The following PSPC1 variants were observed in gnomAD, a reference collection of about 807,000 sequenced individuals.
The protein encoded by PSPC1 is paraspeckle protein 1.
A neutral mutation model predicts 51.6 loss-of-function variants in PSPC1; 14 were observed. The observed-to-expected ratio is 0.27, with a 90% confidence interval of 0.18 to 0.42. PSPC1 has a LOEUF of 0.42. Ranked by LOEUF, PSPC1 falls within the 10% of genes least tolerant of loss-of-function variation. PSPC1 has a pLI of 1.00. For missense variants in PSPC1, 406 were observed against 701.1 expected, an observed-to-expected ratio of 0.58 and a Z score of 4.75; for synonymous variants, 193 against 231.9, an observed-to-expected ratio of 0.83 and a Z score of 1.53.
chr13:19,682,146 G>A (rs1389470057), intron 6 of PSPC1, among the ~76,000 whole-genome samples: 3 of 152,044 alleles, frequency 2.0e-5, no homozygotes, highest in African/African-American at 7.2e-5. Context: ...AACCTCAATA[G>A]ATGAACAAAT....
chr13:19,769,861 C>T (rs1346780130), intron 2 of PSPC1, among the ~76,000 whole-genome samples: 2 of 152,134 alleles, frequency 1.3e-5, no homozygotes, highest in African/African-American at 4.8e-5. Flanking sequence ...AATGATACAA[C>T]CACCACGGAA....
chr13:19,714,106 C>G (rs1881791409), intron 6 of PSPC1, among the ~76,000 whole-genome samples: 1 of 152,216 alleles, frequency 6.6e-6, no homozygotes, highest in South Asian at 2.1e-4. Flanking sequence ...TATTAAATCT[C>G]TATCCATGGG....
intron 6 of PSPC1, among the ~76,000 whole-genome samples, chr13:19,720,389 A>G (rs1442031491): frequency 6.6e-6 from 1 of 152,242 alleles, no homozygotes; most frequent in Non-Finnish European, 1.5e-5. Flanking sequence ...AGAAAAAAGC[A>G]GAAAAGAGGA....
intron 6 of PSPC1, among the ~76,000 whole-genome samples, chr13:19,716,539 T>G (rs1416826868): frequency 6.6e-6 from 1 of 152,192 alleles, no homozygotes; most frequent in Non-Finnish European, 1.5e-5. Context: ...GATAAAGACC[T>G]CTCATGTTTA....
At chr13:19,765,344 A>AATAATTATT (rs1555248074) in intron 2 of PSPC1, among the ~76,000 whole-genome samples, 357 of 141,342 alleles carry the variant, frequency 2.5e-3, no homozygotes, top group Non-Finnish European at 4.3e-3. Flanking sequence ...TAATAATAAT[A>AATAATTATT]ATTATTATTA....
At chr13:19,694,831 A>G (rs777449802) in intron 6 of PSPC1, among the ~76,000 whole-genome samples, 15 of 152,038 alleles carry the variant, frequency 9.9e-5, no homozygotes, top group Non-Finnish European at 1.0e-4. Context: ...AATAAAAATC[A>G]TTTTCTTTCC....
chr13:19,701,136 G>A (rs1360636016), downstream of PSPC1, among the ~76,000 whole-genome samples: 3 of 152,104 alleles, frequency 2.0e-5, no homozygotes, highest in Non-Finnish European at 2.9e-5. Context: ...GGATGTTCAG[G>A]AGATTAAGAC....
chr13:19,705,869 T>C lies in PSPC1; in HGVS notation c.1217-38A>G, dbSNP rs372286773. ...ATCTATACTTAGAGCTGTCCTATCT[T>C]AGTTTAGTAAACATTAACAATTTAA... On this transcript the variant is annotated intron_variant, in intron 7 of 8. Transcript: ENST00000338910. 1.1e-3 allele frequency: 1,706 copies of C among 1,499,292 alleles called. No homozygotes were observed. In the South Asian group the frequency reaches 0.021, roughly 19 times the overall value. The allele number at this position is 1,499,292 out of a possible 1,614,324, so 92.9% of individuals were successfully genotyped here. A position where few individuals can be genotyped will look rare whatever the true frequency, so the allele number is the denominator to read the frequency against.
intron 6 of PSPC1, among the ~76,000 whole-genome samples, chr13:19,721,615 A>G (rs923327738): frequency 6.6e-6 from 1 of 152,198 alleles, no homozygotes; most frequent in African/African-American, 2.4e-5. Context: ...AGAACGTTTG[A>G]GCTGTTTCTT....
At chr13:19,683,431 C>T (rs1877509860) in intron 6 of PSPC1, among the ~76,000 whole-genome samples, 1 of 152,186 alleles carries the variant, frequency 6.6e-6, no homozygotes, top group Admixed American at 6.5e-5. Flanking sequence ...ACATATTGTA[C>T]CATTCCATTT....
chr13:19,676,459 T>C lies in PSPC1; in HGVS notation c.*76+1265A>G, dbSNP rs537042443. On this transcript the variant is annotated intron_variant and NMD_transcript_variant, in intron 7 of 7. Coordinates refer to the PSPC1 transcript ENST00000471658. ...CAAAACAGCTGTCACATTTTTGTGC[T>C]GCATGAGGTGTCAGATACTTTGAAA... Among the ~76,000 whole-genome samples the C allele has an allele frequency of 5.3e-5, 8 of 152,260 alleles. No homozygotes were observed. The South Asian group carries it at 1.5e-3, about 28-fold the overall frequency.
chr13:19,774,594 G>A (rs1888914266), intron 1 of PSPC1, among the ~76,000 whole-genome samples: 1 of 151,936 alleles, frequency 6.6e-6, no homozygotes, highest in Non-Finnish European at 1.5e-5. Flanking sequence ...GAGGTCAGGA[G>A]TTCAAGACCG....
At chr13:19,738,574 T>G (rs1885091083) in intron 5 of PSPC1, among the ~76,000 whole-genome samples, 1 of 152,094 alleles carries the variant, frequency 6.6e-6, no homozygotes, top group Admixed American at 6.6e-5. Context: ...TAACACAATA[T>G]AAAGGCTATG....
chr13:19,737,163 G>A (rs1884932261), intron 5 of PSPC1: 1 of 152,140 alleles, frequency 6.6e-6, no homozygotes, highest in Non-Finnish European at 1.5e-5. Flanking sequence ...ACTTAATGCG[G>A]ACATCCAATC....
At chr13:19,766,856 AG>A (rs1469050993) in intron 2 of PSPC1, among the ~76,000 whole-genome samples, 1 of 150,668 alleles carries the variant, frequency 6.6e-6, no homozygotes, top group African/African-American at 2.4e-5. Flanking sequence ...CATTGCCTCG[AG>A]GAAAAAAAAA....
intron 7 of PSPC1, among the ~76,000 whole-genome samples, chr13:19,676,468 T>C (rs1876647818): frequency 1.3e-5 from 2 of 152,184 alleles, no homozygotes; most frequent in South Asian, 4.1e-4. Context: ...CTGCATGAGG[T>C]GTCAGATACT....
chr13:19,705,829 C>T lies in PSPC1; in HGVS notation c.1219G>A (p.Ala407Thr). The T allele has an allele frequency of 6.2e-7, 1 of 1,606,304 alleles. No individual in the cohort carries two copies. The highest frequency in any genetic ancestry group is 1.1e-5 in the South Asian group (1 of 90,036). The change falls in exon 8 of 9, where the codon GCG becomes ACG. Residue 407 changes from alanine (A) to threonine (T), a missense_variant and splice_region_variant. Physicochemically the swap from Ala to Thr is moderately conservative, Grantham distance 58 (BLOSUM62 0). Transcript: ENST00000338910. ...GPRGAINMGD[A>T]FSPAPAGNQG... is the part of the protein sequence containing the mutation. Reference sequence around the variant, plus strand: ...TTACCAGCAGGGGCTGGGCTAAACGCATCTATGTAAAACAATCTATACTTA... The same window carrying T: ...TTACCAGCAGGGGCTGGGCTAAACGTATCTATGTAAAACAATCTATACTTA...
intron 4 of PSPC1, among the ~76,000 whole-genome samples, chr13:19,746,445 C>G (rs1885990867): frequency 6.6e-6 from 1 of 150,804 alleles, no homozygotes; most frequent in African/African-American, 2.4e-5. Context: ...TGTAATGGAG[C>G]CAGGCGCAGT....
chr13:19,673,972 G>GTCTT (rs1210938058), downstream of PSPC1, among the ~76,000 whole-genome samples: 2 of 152,206 alleles, frequency 1.3e-5, no homozygotes, highest in African/African-American at 4.8e-5. Flanking sequence ...GGATCTCCTA[G>GTCTT]TCTTTTCCCC....
Sources: gnomAD v4.1 joint callset for allele counts (sites outside exome capture counted in the v4.1 genomes callset) on GRCh38, gnomAD v4.1.1 for gene constraint, MANE v1.5 for transcripts, NCBI Gene and HGNC (gene_info 2026-07-23, HGNC 2026-07-21) for gene names.